IGF2BP3: variants seen among roughly 807,000 people sequenced by gnomAD.
IGF2BP3 encodes the protein insulin-like growth factor 2 mRNA-binding protein 3.
In IGF2BP3, 9 loss-of-function variants were observed where a neutral mutation model predicts 73.8. That is an observed-to-expected ratio of 0.12 (90% CI 0.07 to 0.21). IGF2BP3 has a LOEUF of 0.21. IGF2BP3 is among the 10% of genes least tolerant of loss of function. The probability of loss-of-function intolerance (pLI) is 1.00; values close to 1 mark genes in which losing one functional copy is unlikely to be tolerated. For synonymous variants in IGF2BP3, 258 were observed against 256.7 expected (o/e 1.01, Z -0.05); for missense variants, 542 against 714.0 (o/e 0.76, Z 2.75).
rs1172813168 is a variant in IGF2BP3 at position 23,312,205 on chromosome 7, G to GA, written c.*156dup. 1.2e-5 allele frequency: 7 copies of GA among 585,228 alleles called. No individual in the cohort carries two copies. In the East Asian group the frequency reaches 2.0e-4, roughly 17 times the overall value. The allele number at this position is 585,228 out of a possible 1,614,324, so 36.3% of individuals were successfully genotyped here. A position where few individuals can be genotyped will look rare whatever the true frequency, so the allele number is the denominator to read the frequency against. On this transcript the variant is annotated 3_prime_UTR_variant, in exon 15 of 15. Transcript: ENST00000258729. ...AGAGCATAAAGTATACATTCTCACA[G>GA]AGACAGGAGTTCAAAAGTTGCCTGG... is the stretch of plus-strand genomic sequence containing the variant.
At chr7:23,457,003 C>T (rs746053962) in intron 2 of IGF2BP3, among the ~76,000 whole-genome samples, 52 of 151,976 alleles carry the variant, frequency 3.4e-4, no homozygotes, top group Admixed American at 6.6e-4. Flanking sequence ...GAGCCAAAAT[C>T]GCGCCACTGC....
intron 5 of IGF2BP3, chr7:23,361,208 G>C (rs936369010): frequency 1.8e-5 from 4 of 227,706 alleles, no homozygotes; most frequent in Non-Finnish European, 3.5e-5. Context: ...TGTCATACAA[G>C]AGGGGGAGAC....
At chr7:23,317,579 G>C (rs984408682) in intron 12 of IGF2BP3, 60 bp downstream of exon 12, 16 of 1,295,876 alleles carry the variant, frequency 1.2e-5, no homozygotes, top group African/African-American at 8.7e-5. Context: ...GAGACGCCAG[G>C]TTATGGACTA....
At chr7:23,394,995 G>A (rs1249975220) in intron 3 of IGF2BP3, among the ~76,000 whole-genome samples, 1 of 152,164 alleles carries the variant, frequency 6.6e-6, no homozygotes, top group Non-Finnish European at 1.5e-5. Flanking sequence ...TGCTGAGAAA[G>A]AAGAACATGG....
At chr7:23,362,576 G>A (rs1352775711) in intron 3 of IGF2BP3, 1 of 152,218 alleles carries the variant, frequency 6.6e-6, no homozygotes, top group African/African-American at 2.4e-5. Flanking sequence ...TCCAAATGGA[G>A]AGGCTGTTAG....
chr7:23,423,148 T>A (rs1787398733), intron 2 of IGF2BP3, among the ~76,000 whole-genome samples: 1 of 152,202 alleles, frequency 6.6e-6, no homozygotes, highest in South Asian at 2.1e-4. Flanking sequence ...TGTGTGACGT[T>A]TACCTCTGGC....
intron 3 of IGF2BP3, among the ~76,000 whole-genome samples, chr7:23,362,951 T>C (rs1394225316): frequency 6.6e-6 from 1 of 151,990 alleles, no homozygotes; most frequent in East Asian, 1.9e-4. Flanking sequence ...GATGAGGTCT[T>C]ACTACGTTGC....
At chr7:23,335,485 CTCCCTATGT>C (rs965781873) in intron 10 of IGF2BP3, among the ~76,000 whole-genome samples, 14 of 150,656 alleles carry the variant, frequency 9.3e-5, no homozygotes, top group African/African-American at 3.4e-4. Context: ...AGACAGAGTT[CTCCCTATGT>C]TGCCCAGCCT....
At chr7:23,400,188 A>G (rs1367705368) in intron 3 of IGF2BP3, among the ~76,000 whole-genome samples, 1 of 152,262 alleles carries the variant, frequency 6.6e-6, no homozygotes, top group African/African-American at 2.4e-5. Flanking sequence ...AAAGTTCTCC[A>G]AAGTATTATA....
intron 10 of IGF2BP3, among the ~76,000 whole-genome samples, chr7:23,326,582 A>C (rs1784302738): frequency 6.6e-6 from 1 of 151,864 alleles, no homozygotes; most frequent in Non-Finnish European, 1.5e-5. Flanking sequence ...TACCCAAAGG[A>C]CTATAAATCA....
rs140567434 is a variant in IGF2BP3 at position 23,318,758 on chromosome 7, G to A, written c.1320+380C>T. 3.3e-3 allele frequency among the ~76,000 whole-genome samples: 507 copies of A among 152,216 alleles called. 1 individual carries two copies. Among genetic ancestry groups the A allele is most frequent in the Non-Finnish European group, 4.5e-3 (307 of 68,020 alleles). On this transcript the variant is annotated intron_variant, in intron 11 of 14. Coordinates refer to ENST00000258729, the MANE Select transcript of IGF2BP3 (RefSeq NM_006547.3). The stretch of plus-strand genomic sequence containing the variant: ...CAGTAGCTAACAAGAAACCTCCCTA[G>A]AAGAAAAGCTCTTTATTATGTTCTC...
chr7:23,445,077 A>C (rs993469398), intron 2 of IGF2BP3, among the ~76,000 whole-genome samples: 27 of 152,128 alleles, frequency 1.8e-4, no homozygotes, highest in African/African-American at 5.8e-4. Context: ...ACAATAAATA[A>C]AACAAAACAG....
At chr7:23,431,813 C>A (rs560587013) in intron 2 of IGF2BP3, among the ~76,000 whole-genome samples, 4 of 151,720 alleles carry the variant, frequency 2.6e-5, no homozygotes, top group Non-Finnish European at 5.9e-5. Context: ...GGGAACTTGG[C>A]CCCTCCCCCG....
At chr7:23,468,205 C>G (rs1210226665) in intron 2 of IGF2BP3, among the ~76,000 whole-genome samples, 1 of 152,216 alleles carries the variant, frequency 6.6e-6, no homozygotes, top group Non-Finnish European at 1.5e-5. Flanking sequence ...AGCAATTTGA[C>G]CCGCTCGGAC....
At chr7:23,328,819 G>A (rs1279144714) in intron 10 of IGF2BP3, among the ~76,000 whole-genome samples, 1 of 152,158 alleles carries the variant, frequency 6.6e-6, no homozygotes, top group Non-Finnish European at 1.5e-5. Context: ...CAAGCCAAAT[G>A]CTCAAGAAGA....
At position 23,311,692 on chromosome 7, in the gene IGF2BP3, T is replaced by C. The variant is rs1342107487; in HGVS notation, c.*670A>G. 3.9e-5 allele frequency: 6 copies of C among 152,494 alleles called. No homozygotes were observed. The highest frequency in any genetic ancestry group is 3.3e-4 in the Admixed American group (5 of 15,230). 9.4% of individuals were successfully genotyped at this position (152,494 alleles called of 1,614,324 possible). A position where few individuals can be genotyped will look rare whatever the true frequency, so the allele number is the denominator to read the frequency against. ...CTGTTAGCTGATTGCTGTTAAATTT[T>C]AAATTTATTTTTTAAAAAACGGTTG... On this transcript the variant is annotated 3_prime_UTR_variant, in exon 15 of 15. Transcript: ENST00000258729.
At chr7:23,439,131 C>T (rs57569108) in intron 2 of IGF2BP3, among the ~76,000 whole-genome samples, 21,371 of 151,966 alleles carry the variant, frequency 0.14, 1,677 homozygotes, top group African/African-American at 0.2. Context: ...TAAGCCCTAG[C>T]TACTCGAAGG....
At chr7:23,335,650 A>G (rs1356762114) in intron 10 of IGF2BP3, among the ~76,000 whole-genome samples, 1 of 152,152 alleles carries the variant, frequency 6.6e-6, no homozygotes, top group African/African-American at 2.4e-5. Context: ...GCAGAAAGCT[A>G]GCCATTTTAA....
intron 3 of IGF2BP3, chr7:23,402,263 A>G (rs1249443153): frequency 6.6e-6 from 1 of 152,236 alleles, no homozygotes; most frequent in Non-Finnish European, 1.5e-5. Context: ...GATCAGCAAA[A>G]GTAACATATA....
Sources: gnomAD v4.1 joint callset for allele counts (sites outside exome capture counted in the v4.1 genomes callset) on GRCh38, gnomAD v4.1.1 for gene constraint, MANE v1.5 for transcripts, NCBI Gene and HGNC (gene_info 2026-07-23, HGNC 2026-07-21) for gene names.